RPS6KC1: variants seen among roughly 807,000 people sequenced by gnomAD.
The protein encoded by RPS6KC1 is inactive ribosomal protein S6 kinase delta-1.
In RPS6KC1, 54 loss-of-function variants were observed where a neutral mutation model predicts 103.8. The observed-to-expected ratio is 0.52, with a 90% CI of 0.42 to 0.65. The LOEUF is 0.65. Ranked by LOEUF, RPS6KC1 falls within the 30% of genes least tolerant of loss-of-function variation. The probability of loss-of-function intolerance (pLI) is 0.00; values close to 1 mark genes in which losing one functional copy is unlikely to be tolerated. For synonymous variants in RPS6KC1, 439 were observed against 438.7 expected, an observed-to-expected ratio of 1.00 and a Z score of -0.01; for missense variants, 1,151 against 1,253.8, an observed-to-expected ratio of 0.92 and a Z score of 1.24.
the RPS6KC1 span, among the ~76,000 whole-genome samples, chr1:213,553,153 T>A: frequency 6.6e-6 from 1 of 152,112 alleles, no homozygotes; most frequent in Non-Finnish European, 1.5e-5. Flanking sequence ...CAATCCTCAT[T>A]CTCTTCTCAT....
chr1:213,777,977 A>T, the RPS6KC1 span, among the ~76,000 whole-genome samples: 3 of 152,138 alleles, frequency 2.0e-5, no homozygotes, highest in Admixed American at 6.5e-5. Flanking sequence ...ACAGCTGAGG[A>T]AGGTGAGGTG....
At chr1:213,755,457 G>C in the RPS6KC1 span, among the ~76,000 whole-genome samples, 1 of 152,176 alleles carries the variant, frequency 6.6e-6, no homozygotes, top group Non-Finnish European at 1.5e-5. Flanking sequence ...AGACACTTTA[G>C]TATTGCAAAT....
At chr1:213,518,135 G>A in the RPS6KC1 span, among the ~76,000 whole-genome samples, 1 of 152,128 alleles carries the variant, frequency 6.6e-6, no homozygotes, top group East Asian at 1.9e-4. Context: ...CACTGCACAT[G>A]TAAAAATTCC....
At chr1:213,414,832 G>A in the RPS6KC1 span, among the ~76,000 whole-genome samples, 466 of 152,228 alleles carry the variant, frequency 3.1e-3, 1 homozygote, top group African/African-American at 0.011. Flanking sequence ...TGGGGGCAGA[G>A]GTGGTCTTTT....
chr1:213,390,573 G>A, the RPS6KC1 span, among the ~76,000 whole-genome samples: 3 of 152,156 alleles, frequency 2.0e-5, no homozygotes, highest in African/African-American at 7.2e-5. Context: ...ACATTTCTCT[G>A]CTTGTAACGG....
chr1:213,732,682 G>A, the RPS6KC1 span, among the ~76,000 whole-genome samples: 71 of 152,282 alleles, frequency 4.7e-4, no homozygotes, highest in Middle Eastern at 6.8e-3. Context: ...AGTAGTTGAT[G>A]TGATATAAAT....
the RPS6KC1 span, among the ~76,000 whole-genome samples, chr1:213,747,231 G>C: frequency 6.6e-6 from 1 of 152,112 alleles, no homozygotes; most frequent in Non-Finnish European, 1.5e-5. Context: ...GCCAGGTAAA[G>C]AAACATATCA....
chr1:213,200,816 A>G (rs2093135148), intron 8 of RPS6KC1, among the ~76,000 whole-genome samples: 1 of 152,196 alleles, frequency 6.6e-6, no homozygotes, highest in Admixed American at 6.5e-5. Context: ...AAAGGACATG[A>G]ACAGACACTT....
At chr1:213,207,497 C>T (rs779924596) in intron 8 of RPS6KC1, among the ~76,000 whole-genome samples, 3 of 151,922 alleles carry the variant, frequency 2.0e-5, no homozygotes, top group Non-Finnish European at 4.4e-5. Context: ...GCATTTCCTC[C>T]CCTCACCCTT....
the RPS6KC1 span, among the ~76,000 whole-genome samples, chr1:213,643,966 C>T: frequency 1.3e-5 from 2 of 151,956 alleles, no homozygotes; most frequent in East Asian, 1.9e-4. Flanking sequence ...ATAAACCATA[C>T]CGCGTCATGA....
At chr1:213,569,632 T>A in the RPS6KC1 span, among the ~76,000 whole-genome samples, 1 of 152,212 alleles carries the variant, frequency 6.6e-6, no homozygotes, top group Non-Finnish European at 1.5e-5. Context: ...GTTCAGCATA[T>A]AAATTACTAG....
the RPS6KC1 span, chr1:213,821,689 C>T: frequency 1.3e-5 from 2 of 152,338 alleles, no homozygotes; most frequent in Non-Finnish European, 2.9e-5. Flanking sequence ...GTTTCCCCCC[C>T]ACACGTCTTC....
intron 1 of RPS6KC1, among the ~76,000 whole-genome samples, chr1:213,064,628 A>G (rs970509462): frequency 6.6e-6 from 1 of 151,184 alleles, no homozygotes; most frequent in Non-Finnish European, 1.5e-5. Flanking sequence ...TGGGCCTCCC[A>G]AAGTGCTGAG....
chr1:213,216,117 T>C (rs1248421132), intron 8 of RPS6KC1, among the ~76,000 whole-genome samples: 1 of 152,156 alleles, frequency 6.6e-6, no homozygotes, highest in Non-Finnish European at 1.5e-5. Context: ...ATCAGTGTGC[T>C]GTATTCAGGA....
At chr1:213,456,079 C>G in the RPS6KC1 span, among the ~76,000 whole-genome samples, 1 of 152,152 alleles carries the variant, frequency 6.6e-6, no homozygotes, top group Non-Finnish European at 1.5e-5. Context: ...AGACCCATAG[C>G]CAATGAGGAG....
chr1:213,597,545 C>T, the RPS6KC1 span, among the ~76,000 whole-genome samples: 2 of 152,206 alleles, frequency 1.3e-5, no homozygotes, highest in African/African-American at 4.8e-5. Context: ...AGGAATAAAT[C>T]TCCATGCTTA....
chr1:213,055,303 C>T (rs1014443123), intron 1 of RPS6KC1, among the ~76,000 whole-genome samples: 16 of 151,996 alleles, frequency 1.1e-4, no homozygotes, highest in African/African-American at 3.4e-4. Flanking sequence ...ATTTTGTATA[C>T]AAGGAATCAT....
the RPS6KC1 span, among the ~76,000 whole-genome samples, chr1:213,499,654 C>G: frequency 2.0e-5 from 3 of 151,892 alleles, no homozygotes; most frequent in African/African-American, 2.4e-5. Flanking sequence ...TGGTTCCTAA[C>G]AGGACATTGA....
the RPS6KC1 span, among the ~76,000 whole-genome samples, chr1:213,490,741 G>T: frequency 2.8e-3 from 423 of 152,210 alleles, 4 homozygotes; most frequent in African/African-American, 9.9e-3. Flanking sequence ...TGCTCTCAAG[G>T]GCATCTGAAA....
Sources: allele counts gnomAD v4.1 joint callset (sites outside exome capture counted in the v4.1 genomes callset), GRCh38; gene constraint gnomAD v4.1.1; transcripts MANE v1.5; gene names NCBI Gene and HGNC (gene_info 2026-07-23, HGNC 2026-07-21).